WWOX: variants seen among roughly 807,000 people sequenced by gnomAD.
The protein encoded by WWOX is WW domain-containing oxidoreductase.
In WWOX, 69 loss-of-function variants were observed where a neutral mutation model predicts 46.2. That is an observed-to-expected ratio of 1.49 (90% confidence interval 1.23 to 1.82). WWOX has a LOEUF of 1.82. Among genes scored for constraint, WWOX ranks in the 40% most tolerant of loss-of-function variants. The pLI, the probability that WWOX is intolerant of heterozygous loss-of-function variation, is 0.00. For missense variants in WWOX, 919 were observed against 542.6 expected (o/e 1.69, Z -6.89); for synonymous variants, 359 against 202.6 (o/e 1.77, Z -6.56).
intron 7 of WWOX, among the ~76,000 whole-genome samples, chr16:78,425,775 T>C (rs2083061567): frequency 6.6e-6 from 1 of 152,164 alleles, no homozygotes; most frequent in South Asian, 2.1e-4. Flanking sequence ...TTAGGGAGAT[T>C]TCTCTTTCAC....
intron 8 of WWOX, among the ~76,000 whole-genome samples, chr16:79,019,933 C>G (rs909409313): frequency 6.6e-6 from 1 of 152,192 alleles, no homozygotes; most frequent in Non-Finnish European, 1.5e-5. Flanking sequence ...CACTGGGTGA[C>G]TGCATCCATA....
intron 5 of WWOX, among the ~76,000 whole-genome samples, chr16:78,303,667 C>T (rs1158001234): frequency 6.6e-6 from 1 of 152,174 alleles, no homozygotes; most frequent in Non-Finnish European, 1.5e-5. Flanking sequence ...GCCTCAGACT[C>T]CTGAGTAGCT....
At chr16:78,368,231 A>G (rs7199969) in intron 5 of WWOX, among the ~76,000 whole-genome samples, 14,288 of 152,242 alleles carry the variant, frequency 0.094, 925 homozygotes, top group African/African-American at 0.18. Flanking sequence ...AAAGCCTTCA[A>G]TTAACATGAG....
chr16:79,083,603 A>T (rs1040662924), intron 8 of WWOX, among the ~76,000 whole-genome samples: 2 of 152,222 alleles, frequency 1.3e-5, no homozygotes, highest in African/African-American at 4.8e-5. Context: ...TCCTTCCAAA[A>T]TGCATTACAG....
chr16:78,805,150 G>C (rs2050996339), intron 8 of WWOX, among the ~76,000 whole-genome samples: 1 of 70,298 alleles, frequency 1.4e-5, no homozygotes, highest in Non-Finnish European at 3.6e-5. Context: ...ATTGTGAAAT[G>C]TTTAAGGAGG....
chr16:78,949,348 A>G (rs780482767), intron 8 of WWOX, among the ~76,000 whole-genome samples: 49 of 152,156 alleles, frequency 3.2e-4, no homozygotes, highest in Non-Finnish European at 6.2e-4. Context: ...TGGCAGCAAT[A>G]GAAAATCTGA....
At chr16:78,931,555 A>AT (rs1368858433) in intron 8 of WWOX, among the ~76,000 whole-genome samples, 1 of 152,218 alleles carries the variant, frequency 6.6e-6, no homozygotes, top group African/African-American at 2.4e-5. Context: ...TACAAAGGCA[A>AT]TGAGTACATG....
At position 78,405,991 on chromosome 16, in the gene WWOX, T is replaced by C. The variant is rs370218012; in HGVS notation, c.606-18879T>C. On this transcript the variant is annotated intron_variant, in intron 6 of 8. Transcript: ENST00000566780. The stretch of plus-strand genomic sequence containing the variant: ...TTATGCACATATCATGCAAAAGATA[T>C]TCTTTAACTGGGGATCATGTTTCTC... 4.9e-4 allele frequency among the ~76,000 whole-genome samples: 75 copies of C among 152,208 alleles called. No homozygotes were observed. The East Asian group carries it at 7.9e-3, about 16-fold the overall frequency.
chr16:78,520,862 T>A (rs938562264), intron 8 of WWOX, among the ~76,000 whole-genome samples: 1 of 152,138 alleles, frequency 6.6e-6, no homozygotes, highest in African/African-American at 2.4e-5. Context: ...TGGTTGTATC[T>A]TATAGGCAAG....
chr16:78,830,355 C>T (rs2051784578), intron 8 of WWOX, among the ~76,000 whole-genome samples: 1 of 151,974 alleles, frequency 6.6e-6, no homozygotes, highest in South Asian at 2.1e-4. Flanking sequence ...TATCATAATG[C>T]CTACCTGCTC....
chr16:78,989,391 GT>G (rs1210174449), intron 8 of WWOX, among the ~76,000 whole-genome samples: 2 of 152,122 alleles, frequency 1.3e-5, no homozygotes, highest in Non-Finnish European at 2.9e-5. Context: ...CCCTGATGCA[GT>G]CAAACCACCC....
chr16:78,119,683 C>G (rs981780164), intron 4 of WWOX, among the ~76,000 whole-genome samples: 5 of 149,992 alleles, frequency 3.3e-5, no homozygotes, highest in African/African-American at 1.2e-4. Context: ...AGGTGTTGGT[C>G]TCAAACTCCT....
intron 8 of WWOX, among the ~76,000 whole-genome samples, chr16:79,103,905 C>G (rs569942989): frequency 2.8e-4 from 42 of 151,996 alleles, no homozygotes; most frequent in African/African-American, 1.0e-3. Context: ...GTCCTTCAGG[C>G]AAAGAGCTCC....
intron 8 of WWOX, among the ~76,000 whole-genome samples, chr16:78,486,031 G>A (rs1286908270): frequency 5.3e-5 from 8 of 152,180 alleles, no homozygotes; most frequent in Non-Finnish European, 4.4e-5. Context: ...AATCGTAGAT[G>A]TTTTATCTGA....
chr16:78,868,208 A>G (rs564269499), intron 8 of WWOX, among the ~76,000 whole-genome samples: 8 of 152,228 alleles, frequency 5.3e-5, no homozygotes, highest in Non-Finnish European at 7.3e-5. Context: ...AAAAGGAACT[A>G]ACTCTGGATA....
chr16:79,122,158 A>G (rs1254000333), intron 8 of WWOX, among the ~76,000 whole-genome samples: 2 of 152,152 alleles, frequency 1.3e-5, no homozygotes, highest in African/African-American at 4.8e-5. Context: ...CTGTTTCTCA[A>G]ATCATCCGCC....
chr16:78,099,903 G>C lies in WWOX; in HGVS notation c.107+18G>C. The C allele has an allele frequency of 6.4e-7, 1 of 1,553,102 alleles. No homozygotes were observed. The highest frequency in any genetic ancestry group is 8.7e-7 in the Non-Finnish European group (1 of 1,148,904). On this transcript the variant is annotated intron_variant, in intron 1 of 8. Transcript: ENST00000566780. Reference sequence around the variant, plus strand: ...TACGCCAAGTAAGGGGGCCGCAGTGGGGCCGCGGACGCACCTGGGACCCTG... The same window carrying C: ...TACGCCAAGTAAGGGGGCCGCAGTGCGGCCGCGGACGCACCTGGGACCCTG...
chr16:78,409,336 C>A (rs74028188), intron 6 of WWOX, among the ~76,000 whole-genome samples: 1,562 of 152,210 alleles, frequency 0.01, 20 homozygotes, highest in African/African-American at 0.035. Context: ...GTGCCATCAC[C>A]CCCCAAATGT....
chr16:78,880,017 T>C (rs2044311059), intron 8 of WWOX, among the ~76,000 whole-genome samples: 1 of 152,200 alleles, frequency 6.6e-6, no homozygotes, highest in African/African-American at 2.4e-5. Context: ...ACCAAGAATT[T>C]ATAGTCAAAA....
Sources: allele counts gnomAD v4.1 joint callset (sites outside exome capture counted in the v4.1 genomes callset), GRCh38; gene constraint gnomAD v4.1.1; transcripts MANE v1.5; gene names NCBI Gene and HGNC (gene_info 2026-07-23, HGNC 2026-07-21).